RBMS3: variants seen among roughly 807,000 people sequenced by gnomAD.
RBMS3 encodes the protein RNA-binding motif, single-stranded-interacting protein 3.
A neutral mutation model predicts 66.8 loss-of-function variants in RBMS3; 27 were observed. The ratio of observed to expected loss-of-function variants is 0.40; its 90% CI spans 0.30 to 0.56. The LOEUF (loss-of-function observed/expected upper bound fraction) is 0.56. Ranked by LOEUF, RBMS3 falls within the 20% of genes least tolerant of loss-of-function variation. The probability of loss-of-function intolerance (pLI) is 0.40; values close to 1 mark genes in which losing one functional copy is unlikely to be tolerated. For missense variants in RBMS3, 513 were observed against 549.5 expected, an observed-to-expected ratio of 0.93 and a Z score of 0.66; for synonymous variants, 188 against 183.0, an observed-to-expected ratio of 1.03 and a Z score of -0.22.
chr3:30,004,054 G>A lies in RBMS3; in HGVS notation c.*192G>A, dbSNP rs1366567931. 1.0e-5 allele frequency: 4 copies of A among 388,150 alleles called. No individual in the cohort carries two copies. The highest frequency in any genetic ancestry group is 4.7e-5 in the Admixed American group (1 of 21,382). 24.0% of individuals were successfully genotyped at this position (388,150 alleles called of 1,614,324 possible). On this transcript the variant is annotated 3_prime_UTR_variant, in exon 15 of 15. Coordinates refer to ENST00000383767, the MANE Select transcript of RBMS3 (RefSeq NM_001003793.3). Reference sequence around the variant, plus strand: ...TGTGCTGTGCAAATGGTCTTCATGTGGTCTGACAATTTATTTTTGCCATCA... The same window carrying A: ...TGTGCTGTGCAAATGGTCTTCATGTAGTCTGACAATTTATTTTTGCCATCA...
At chr3:29,354,689 CA>C (rs2037117086) in intron 1 of RBMS3, among the ~76,000 whole-genome samples, 1 of 152,126 alleles carries the variant, frequency 6.6e-6, no homozygotes, top group South Asian at 2.1e-4. Flanking sequence ...TAAACAGTAT[CA>C]GGCCCTGCGA....
At chr3:29,478,303 G>T (rs1167795686) in intron 2 of RBMS3, among the ~76,000 whole-genome samples, 2 of 152,180 alleles carry the variant, frequency 1.3e-5, no homozygotes, top group Admixed American at 6.5e-5. Context: ...TGGAGGCTGA[G>T]AAGTTCAAGA....
At chr3:29,552,782 G>T (rs974914787) in intron 3 of RBMS3, among the ~76,000 whole-genome samples, 1 of 152,126 alleles carries the variant, frequency 6.6e-6, no homozygotes, top group African/African-American at 2.4e-5. Context: ...AAATATATGT[G>T]TTCTCTTTGC....
At chr3:29,925,720 A>G (rs2060920203) in intron 10 of RBMS3, among the ~76,000 whole-genome samples, 1 of 152,182 alleles carries the variant, frequency 6.6e-6, no homozygotes, top group Non-Finnish European at 1.5e-5. Flanking sequence ...TATCGTGAAT[A>G]TAACTCACCT....
At chr3:29,415,357 G>A (rs1186412019) in intron 1 of RBMS3, among the ~76,000 whole-genome samples, 6 of 152,158 alleles carry the variant, frequency 3.9e-5, no homozygotes, top group African/African-American at 7.2e-5. Context: ...AAATGGAATA[G>A]CTTGCAGGCA....
At chr3:29,885,123 A>G (rs913168924) in intron 8 of RBMS3, among the ~76,000 whole-genome samples, 18 of 151,910 alleles carry the variant, frequency 1.2e-4, no homozygotes, top group Non-Finnish European at 4.4e-5. Context: ...TCATTCAACA[A>G]ACATCCAGTA....
intron 6 of RBMS3, among the ~76,000 whole-genome samples, chr3:29,770,977 A>T (rs889206697): frequency 1.3e-5 from 2 of 152,054 alleles, no homozygotes; most frequent in African/African-American, 2.4e-5. Flanking sequence ...AACCATCAAA[A>T]AGCCTGCTAT....
chr3:29,700,222 G>A (rs2052495095), intron 4 of RBMS3, among the ~76,000 whole-genome samples: 1 of 152,160 alleles, frequency 6.6e-6, no homozygotes, highest in Admixed American at 6.5e-5. Context: ...TATTATAGAT[G>A]TGTTACAGTT....
intron 6 of RBMS3, among the ~76,000 whole-genome samples, chr3:29,822,226 T>G (rs939076709): frequency 6.6e-5 from 10 of 152,198 alleles, no homozygotes; most frequent in Admixed American, 6.6e-4. Context: ...AGTGTGTGAC[T>G]GCAAGTATTT....
intron 3 of RBMS3, among the ~76,000 whole-genome samples, chr3:29,546,753 G>T (rs1460151606): frequency 6.6e-6 from 1 of 152,112 alleles, no homozygotes; most frequent in Non-Finnish European, 1.5e-5. Flanking sequence ...CTCAAGAGAT[G>T]TTTGGTTTTT....
intron 6 of RBMS3, among the ~76,000 whole-genome samples, chr3:29,832,829 A>G (rs990342730): frequency 2.6e-5 from 4 of 152,178 alleles, no homozygotes; most frequent in Admixed American, 6.5e-5. Flanking sequence ...GATCCTCCTC[A>G]ACTAGCTCAT....
chr3:29,356,185 G>A (rs144351186), intron 1 of RBMS3, among the ~76,000 whole-genome samples: 108 of 152,242 alleles, frequency 7.1e-4, no homozygotes, highest in African/African-American at 2.6e-3. Flanking sequence ...TACTGTAGAC[G>A]TGGAAGGGTG....
chr3:29,986,676 C>G (rs564724117), intron 12 of RBMS3, among the ~76,000 whole-genome samples: 1 of 152,342 alleles, frequency 6.6e-6, no homozygotes, highest in East Asian at 1.9e-4. Context: ...GGCACAGTAG[C>G]TCACACCTGT....
chr3:29,890,298 A>C (rs2059969246), intron 8 of RBMS3, among the ~76,000 whole-genome samples: 1 of 151,652 alleles, frequency 6.6e-6, no homozygotes, highest in African/African-American at 2.4e-5. Flanking sequence ...GTGGAAGCTG[A>C]TTTAAACAAC....
At chr3:29,555,618 A>C (rs891631151) in intron 3 of RBMS3, among the ~76,000 whole-genome samples, 1 of 152,222 alleles carries the variant, frequency 6.6e-6, no homozygotes, top group African/African-American at 2.4e-5. Context: ...GCAAAATAGA[A>C]TCTCAAGAAA....
chr3:29,340,442 A>G (rs2036217784), intron 1 of RBMS3, among the ~76,000 whole-genome samples: 1 of 152,180 alleles, frequency 6.6e-6, no homozygotes, highest in East Asian at 1.9e-4. Flanking sequence ...ATTGTGTATT[A>G]AAAGTTTTCC....
At chr3:29,873,424 T>C (rs1258572605) in intron 7 of RBMS3, among the ~76,000 whole-genome samples, 3 of 152,178 alleles carry the variant, frequency 2.0e-5, no homozygotes, top group Non-Finnish European at 4.4e-5. Context: ...CTAGTGATTT[T>C]TGTACGTTGA....
intron 10 of RBMS3, among the ~76,000 whole-genome samples, chr3:29,921,126 G>T (rs1252918227): frequency 6.6e-6 from 1 of 152,046 alleles, no homozygotes; most frequent in Admixed American, 6.6e-5. Context: ...GCAGTGGCGT[G>T]ATCTCAGCTC....
At chr3:29,770,597 A>G (rs1373587184) in intron 6 of RBMS3, among the ~76,000 whole-genome samples, 1 of 152,026 alleles carries the variant, frequency 6.6e-6, no homozygotes, top group Non-Finnish European at 1.5e-5. Context: ...ACTTATTTCT[A>G]AAATACTGAC....
Sources: allele counts gnomAD v4.1 joint callset (sites outside exome capture counted in the v4.1 genomes callset), GRCh38; gene constraint gnomAD v4.1.1; transcripts MANE v1.5; gene names NCBI Gene and HGNC (gene_info 2026-07-23, HGNC 2026-07-21).